The following BLOC1S6 variants were observed in gnomAD, a reference collection of about 807,000 sequenced individuals.
BLOC1S6 encodes biogenesis of lysosome-related organelles complex 1 subunit 6.
Under a neutral mutation model 24.7 loss-of-function variants are expected in BLOC1S6, and 24 were observed. The ratio of observed to expected loss-of-function variants is 0.97; its 90% CI spans 0.70 to 1.37. The LOEUF (loss-of-function observed/expected upper bound fraction) is 1.37. Among genes scored for constraint, BLOC1S6 ranks in the 40% most tolerant of loss-of-function variants. BLOC1S6 has a pLI of 0.00. For missense variants in BLOC1S6, 175 were observed against 196.2 expected (o/e 0.89, Z 0.64); for synonymous variants, 76 against 72.6 (o/e 1.05, Z -0.23).
chr15:45,587,734 T>C (rs1478435670), intron 1 of BLOC1S6: 4 of 706,762 alleles, frequency 5.7e-6, no homozygotes, highest in Non-Finnish European at 1.0e-5. Context: ...GGAAGCTTTG[T>C]ATTGGGGGTG....
At chr15:45,593,247 G>A (rs999121806) in intron 2 of BLOC1S6, among the ~76,000 whole-genome samples, 4 of 151,962 alleles carry the variant, frequency 2.6e-5, no homozygotes, top group Non-Finnish European at 4.4e-5. Context: ...TTAGCTGGGC[G>A]TGGTGGTGTG....
chr15:45,605,749 C>A, intron 4 of BLOC1S6: 1 of 423,290 alleles, frequency 2.4e-6, no homozygotes, highest in Non-Finnish European at 4.3e-6. Context: ...GCCACCACAC[C>A]CACCTAATTT....
intron 2 of BLOC1S6, among the ~76,000 whole-genome samples, chr15:45,600,896 A>C (rs751815537): frequency 2.0e-5 from 3 of 152,126 alleles, no homozygotes; most frequent in Non-Finnish European, 4.4e-5. Context: ...CAAGACCCCT[A>C]GTGGATACAA....
intron 1 of BLOC1S6, 49 bp from the exon 2 acceptor site, chr15:45,592,086 A>G (rs1401781319): frequency 6.2e-7 from 1 of 1,602,822 alleles, no homozygotes; most frequent in African/African-American, 1.4e-5. Flanking sequence ...CCAGCCTAAA[A>G]AAATAAAATA....
chr15:45,591,459 G>T (rs1175932485), intron 1 of BLOC1S6, among the ~76,000 whole-genome samples: 1 of 151,990 alleles, frequency 6.6e-6, no homozygotes, highest in Non-Finnish European at 1.5e-5. Flanking sequence ...TTGAGACAGG[G>T]TCTCGCTCCG....
Position 45,587,622 on chromosome 15 carries a change from G to T in BLOC1S6, c.82+97G>T, listed in dbSNP as rs879402801. 6 of 1,269,268 alleles carry T rather than the reference G, an allele frequency of 4.7e-6. No individual in the cohort carries two copies. In the Admixed American group the frequency reaches 1.3e-4, roughly 27 times the overall value. The allele number at this position is 1,269,268 out of a possible 1,614,324, so 78.6% of individuals were successfully genotyped here. ...CGGAGAAACCCTGGGGGAGTAAGCG[G>T]TTTTTGGCGGCTGCGGCCCCCGGGC... On this transcript the variant is annotated intron_variant, in intron 1 of 4. Coordinates refer to ENST00000220531, the MANE Select transcript of BLOC1S6 (RefSeq NM_012388.4).
intron 1 of BLOC1S6, 66 bp downstream of exon 1, chr15:45,587,591 G>C: frequency 1.4e-6 from 2 of 1,428,620 alleles, no homozygotes; most frequent in Non-Finnish European, 1.9e-6. Flanking sequence ...TGAGTGAGTA[G>C]AACTCCGGAG....
At chr15:45,605,945 G>A (rs927516144) in intron 4 of BLOC1S6, among the ~76,000 whole-genome samples, 1 of 152,048 alleles carries the variant, frequency 6.6e-6, no homozygotes, top group Non-Finnish European at 1.5e-5. Context: ...TTCATTCATG[G>A]TACATTGTTT....
At chr15:45,604,161 C>T (rs573712006) in intron 3 of BLOC1S6, among the ~76,000 whole-genome samples, 12 of 152,202 alleles carry the variant, frequency 7.9e-5, no homozygotes, top group Admixed American at 1.3e-4. Flanking sequence ...TTGAGGCGTG[C>T]AGTTTAAGAC....
In BLOC1S6 at chr15:45,608,442, G is replaced by A. The variant is rs1242207873; in HGVS notation, c.*1928G>A. 1.3e-5 allele frequency: 2 copies of A among 152,208 alleles called. No individual in the cohort carries two copies. The highest frequency in any genetic ancestry group is 6.5e-5 in the Admixed American group (1 of 15,274). 9.4% of individuals were successfully genotyped at this position (152,208 alleles called of 1,614,324 possible). On this transcript the variant is annotated 3_prime_UTR_variant, in exon 5 of 5. Coordinates refer to ENST00000220531, the MANE Select transcript of BLOC1S6 (RefSeq NM_012388.4). ...TGATATCTGACAAAGGTAGTACAGCGTTTCTGAGTCATTTGGGACCAACTG... is the reference window on the plus strand; with the variant it reads ...TGATATCTGACAAAGGTAGTACAGCATTTCTGAGTCATTTGGGACCAACTG...
intron 3 of BLOC1S6, 94 bp downstream of exon 3, chr15:45,603,281 T>C: frequency 1.3e-6 from 1 of 799,414 alleles, no homozygotes; most frequent in Non-Finnish European, 2.1e-6. Context: ...AAGCTTAGAA[T>C]TTGTCTTTTT....
rs145762743 is a variant in BLOC1S6, at chr15:45,587,477, G to A, written c.34G>A (p.Ala12Thr). 5.1e-4 allele frequency: 815 copies of A among 1,584,574 alleles called. 2 individuals carry two copies. The African/African-American group carries it at 9.8e-3, about 19-fold the overall frequency. Residue 12 changes from alanine (A) to threonine (T), a missense_variant, in exon 1 of 5, where the codon GCC (alanine) becomes ACC (threonine). Coordinates refer to ENST00000220531, the MANE Select transcript of BLOC1S6 (RefSeq NM_012388.4). Reference sequence around the variant, plus strand: ...CCCTGGGCCGTCGTCTCCGGACGGGGCCCTGACACGGCCACCCTACTGCCT... The same window carrying A: ...CCCTGGGCCGTCGTCTCCGGACGGGACCCTGACACGGCCACCCTACTGCCT... ...SVPGPSSPDG[A>T]LTRPPYCLEA...
At chr15:45,602,222 T>A (rs1322338252) in intron 2 of BLOC1S6, 1 of 484,108 alleles carries the variant, frequency 2.1e-6, no homozygotes, top group East Asian at 3.2e-5. Flanking sequence ...ACCTGTAGGG[T>A]ATGCCAGACT....
Position 45,606,592 on chromosome 15 carries a change from A to G in BLOC1S6, c.*78A>G. On this transcript the variant is annotated 3_prime_UTR_variant, in exon 5 of 5. Transcript: ENST00000220531. The stretch of plus-strand genomic sequence containing the variant: ...CTCAAGTGTAGACTGAAGTTGAGGT[A>G]GTGCCTTATGCCATTATGTCATATG... The G allele has an allele frequency of 2.5e-6, 4 of 1,589,424 alleles. No homozygotes were observed. Among genetic ancestry groups the G allele is most frequent in the Non-Finnish European group, 3.5e-6 (4 of 1,158,106 alleles).
At chr15:45,587,613 G>A in intron 1 of BLOC1S6, 88 bp downstream of exon 1, 4 of 1,358,766 alleles carry the variant, frequency 2.9e-6, no homozygotes, top group South Asian at 1.3e-5. Context: ...AACCCTGGGG[G>A]AGTAAGCGGT....
At chr15:45,591,265 C>T (rs781480524) in intron 1 of BLOC1S6, among the ~76,000 whole-genome samples, 10 of 152,072 alleles carry the variant, frequency 6.6e-5, no homozygotes, top group Non-Finnish European at 1.0e-4. Context: ...ATATCAAAAT[C>T]GATGTTGACC....
chr15:45,594,885 A>G (rs2140907537), intron 2 of BLOC1S6, among the ~76,000 whole-genome samples: 1 of 152,080 alleles, frequency 6.6e-6, no homozygotes, highest in Non-Finnish European at 1.5e-5. Flanking sequence ...GTGCCCAGCC[A>G]CATTCTCTGG....
intron 1 of BLOC1S6, among the ~76,000 whole-genome samples, chr15:45,589,844 AAAAC>A (rs754444568): frequency 5.3e-5 from 8 of 152,020 alleles, no homozygotes; most frequent in Non-Finnish European, 7.3e-5. Context: ...AGAGAAAAAC[AAAAC>A]AAACAAACAA....
intron 1 of BLOC1S6, among the ~76,000 whole-genome samples, chr15:45,591,379 A>G (rs2140903593): frequency 6.6e-6 from 1 of 152,312 alleles, no homozygotes; most frequent in East Asian, 1.9e-4. Context: ...GCTTTAGTTC[A>G]GTGACCGTTA....
Sources: allele counts gnomAD v4.1 joint callset (sites outside exome capture counted in the v4.1 genomes callset), GRCh38; gene constraint gnomAD v4.1.1; transcripts MANE v1.5; gene names NCBI Gene and HGNC (gene_info 2026-07-23, HGNC 2026-07-21).